Variants in ZNF274 observed in about 807,000 individuals in gnomAD.
ZNF274 encodes the protein neurotrophin receptor-interacting factor homolog.
In ZNF274, 23 loss-of-function variants were observed where a neutral mutation model predicts 42.5. The ratio of observed to expected loss-of-function variants is 0.54; its 90% CI spans 0.39 to 0.77. The LOEUF (loss-of-function observed/expected upper bound fraction) is 0.77, where lower values mean the gene tolerates loss of function less well. Among genes scored for constraint, ZNF274 ranks in the 30% least tolerant of loss-of-function variants. The pLI, the probability that ZNF274 is intolerant of heterozygous loss-of-function variation, is 0.00. For missense variants in ZNF274, 679 were observed against 806.5 expected (o/e 0.84, Z 1.91); for synonymous variants, 292 against 305.4 (o/e 0.96, Z 0.46).
intron 4 of ZNF274, among the ~76,000 whole-genome samples, chr19:58,205,380 G>T (rs1468193224): frequency 6.6e-6 from 1 of 152,162 alleles, no homozygotes; most frequent in Non-Finnish European, 1.5e-5. Flanking sequence ...TATCAGGCTT[G>T]GTAGCCAAGG....
At chr19:58,204,181 C>T (rs2075952171) in intron 4 of ZNF274, among the ~76,000 whole-genome samples, 1 of 152,156 alleles carries the variant, frequency 6.6e-6, no homozygotes, top group African/African-American at 2.4e-5. Context: ...TCAGGTGGGG[C>T]AGGCGTGGAA....
Position 58,185,819 on chromosome 19 carries a change from C to T in ZNF274, c.141C>T (p.Tyr47=), listed in dbSNP as rs2075691145. Reference sequence around the variant, plus strand: ...ACAGGGAAGTGATGCTGGAGAACTACAGGAACCTGGTCTCAGTGGGTAAGG... The same window carrying T: ...ACAGGGAAGTGATGCTGGAGAACTATAGGAACCTGGTCTCAGTGGGTAAGG... ...SLYREVMLEN[Y]RNLVSVEHQL... is the part of the protein sequence containing the mutation. The change falls in exon 3 of 8, where the codon TAC becomes TAT. Residue 47 remains tyrosine (Y), a synonymous_variant. Coordinates refer to ENST00000617501, the MANE Select transcript of ZNF274 (RefSeq NM_133502.3). 2 of 1,404,252 alleles carry T rather than the reference C, an allele frequency of 1.4e-6. No individual in the cohort carries two copies. Among genetic ancestry groups the T allele is most frequent in the Non-Finnish European group, 1.9e-6 (2 of 1,068,878 alleles). 87.0% of individuals were successfully genotyped at this position (1,404,252 alleles called of 1,614,324 possible). A position where few individuals can be genotyped will look rare whatever the true frequency, so the allele number is the denominator to read the frequency against.
At chr19:58,195,170 C>T (rs2075826719) in intron 4 of ZNF274, among the ~76,000 whole-genome samples, 1 of 151,116 alleles carries the variant, frequency 6.6e-6, no homozygotes, top group South Asian at 2.1e-4. Flanking sequence ...TGCACTCCAG[C>T]CTGGCGACAG....
chr19:58,210,257 C>G, intron 6 of ZNF274, 184 bp downstream of exon 6: 1 of 515,990 alleles, frequency 1.9e-6, no homozygotes, highest in Admixed American at 3.5e-5. Context: ...GCCCTCCAGC[C>G]ACTGTGGCAT....
chr19:58,186,535 CAA>C (rs10695409), intron 3 of ZNF274, among the ~76,000 whole-genome samples: 8 of 102,226 alleles, frequency 7.8e-5, no homozygotes, highest in Non-Finnish European at 7.5e-5. Flanking sequence ...GACTCCGTCT[CAA>C]AAAAAAAAAA....
At chr19:58,205,566 G>A (rs2075970984) in intron 4 of ZNF274, among the ~76,000 whole-genome samples, 1 of 152,142 alleles carries the variant, frequency 6.6e-6, no homozygotes, top group African/African-American at 2.4e-5. Context: ...AGCTCCTGGC[G>A]TGAAGCGAAT....
At chr19:58,204,543 C>G (rs931396317) in intron 4 of ZNF274, among the ~76,000 whole-genome samples, 1 of 152,108 alleles carries the variant, frequency 6.6e-6, no homozygotes, top group Non-Finnish European at 1.5e-5. Flanking sequence ...GGGGTCTGTG[C>G]AGGCGGCTTC....
intron 4 of ZNF274, among the ~76,000 whole-genome samples, chr19:58,188,594 A>G: frequency 7.8e-6 from 1 of 127,516 alleles, no homozygotes; most frequent in Admixed American, 8.3e-5. Context: ...TGACAGAGTG[A>G]GACTCCATCT....
chr19:58,197,952 T>G (rs1453475734), intron 4 of ZNF274, among the ~76,000 whole-genome samples: 1 of 152,236 alleles, frequency 6.6e-6, no homozygotes, highest in Non-Finnish European at 1.5e-5. Flanking sequence ...GGGATCACTC[T>G]CCCTGTGTTC....
chr19:58,190,930 C>T (rs924619086), intron 4 of ZNF274, among the ~76,000 whole-genome samples: 1 of 152,218 alleles, frequency 6.6e-6, no homozygotes, highest in Non-Finnish European at 1.5e-5. Context: ...CTCTCCCCAA[C>T]CCCCAACCTT....
chr19:58,192,348 CAT>C (rs536979310), intron 4 of ZNF274, among the ~76,000 whole-genome samples: 72 of 152,246 alleles, frequency 4.7e-4, no homozygotes, highest in South Asian at 1.4e-3. Context: ...TACCTGCTAA[CAT>C]GTGGTAATAA....
At chr19:58,196,495 G>C (rs2075844083) in intron 4 of ZNF274, among the ~76,000 whole-genome samples, 1 of 152,174 alleles carries the variant, frequency 6.6e-6, no homozygotes, top group South Asian at 2.1e-4. Context: ...CTGGAAGGTG[G>C]AGGTTGCAGT....
chr19:58,184,594 G>A (rs2075674072), intron 2 of ZNF274: 1 of 152,512 alleles, frequency 6.6e-6, no homozygotes, highest in Non-Finnish European at 1.5e-5. Context: ...CAGGGATCAG[G>A]CTTATGTTTA....
chr19:58,203,559 C>T (rs10853903), intron 4 of ZNF274, among the ~76,000 whole-genome samples: 26,986 of 140,730 alleles, frequency 0.19, 2,635 homozygotes, highest in African/African-American at 0.21. Flanking sequence ...GCGTGGGCGA[C>T]TAAGAGCGAA....
intron 5 of ZNF274, chr19:58,209,646 C>T: frequency 4.6e-6 from 1 of 219,622 alleles, no homozygotes; most frequent in South Asian, 9.8e-5. Flanking sequence ...CAGTCAGCTG[C>T]CTCACAGGAG....
At chr19:58,196,686 T>C (rs999239509) in intron 4 of ZNF274, among the ~76,000 whole-genome samples, 2 of 152,230 alleles carry the variant, frequency 1.3e-5, no homozygotes, top group Non-Finnish European at 2.9e-5. Flanking sequence ...TTCCATCCTT[T>C]GTATAGCTTG....
chr19:58,197,287 C>T (rs1482492590), intron 4 of ZNF274, among the ~76,000 whole-genome samples: 1 of 152,186 alleles, frequency 6.6e-6, no homozygotes, highest in Non-Finnish European at 1.5e-5. Context: ...TGAATGAAAT[C>T]TGTGCAGACA....
rs75822268 is a variant in ZNF274, at chr19:58,194,190, C to T, written c.256+7148C>T. On this transcript the variant is annotated intron_variant, in intron 4 of 7. Coordinates refer to ENST00000617501, the MANE Select transcript of ZNF274 (RefSeq NM_133502.3). ...TTGCAGTGCACCACTGCACTCCAGCCTTTGTTTCAAAAATATGTGTGTGTG... is the reference window on the plus strand; with the variant it reads ...TTGCAGTGCACCACTGCACTCCAGCTTTTGTTTCAAAAATATGTGTGTGTG... Among the ~76,000 whole-genome samples, 24 of 151,946 alleles carry T rather than the reference C, an allele frequency of 1.6e-4. No homozygotes were observed. In the East Asian group the frequency reaches 4.1e-3, roughly 26 times the overall value.
intron 1 of ZNF274, 153 bp from the exon 2 acceptor site, chr19:58,183,768 C>T (rs942546102): frequency 5.2e-6 from 3 of 582,380 alleles, no homozygotes; most frequent in Admixed American, 6.1e-5. Context: ...CCTATCCAGT[C>T]CTGTGGGAGT....
Sources: gnomAD v4.1 joint callset for allele counts (sites outside exome capture counted in the v4.1 genomes callset) on GRCh38, gnomAD v4.1.1 for gene constraint, MANE v1.5 for transcripts, NCBI Gene and HGNC (gene_info 2026-07-23, HGNC 2026-07-21) for gene names.